VPS37C: variants seen among roughly 807,000 people sequenced by gnomAD.
VPS37C encodes the protein vacuolar protein sorting-associated protein 37C.
A neutral mutation model predicts 16.1 loss-of-function variants in VPS37C; 9 were observed. The observed-to-expected ratio is 0.56, with a 90% CI of 0.34 to 0.97. The LOEUF (loss-of-function observed/expected upper bound fraction) is 0.97. Among genes scored for constraint, VPS37C ranks in the 50% least tolerant of loss-of-function variants. The pLI is 0.02. For synonymous variants in VPS37C, 207 were observed against 206.4 expected, an observed-to-expected ratio of 1.00 and a Z score of -0.02; for missense variants, 479 against 472.7, an observed-to-expected ratio of 1.01 and a Z score of -0.12.
At chr11:61,142,165 G>A (rs1861483002) in intron 1 of VPS37C, among the ~76,000 whole-genome samples, 1 of 152,194 alleles carries the variant, frequency 6.6e-6, no homozygotes, top group Non-Finnish European at 1.5e-5. Context: ...ATGTTAAGGA[G>A]GACTCCAAAG....
At chr11:61,144,502 C>A (rs34348180) in intron 1 of VPS37C, 112,729 of 151,880 alleles carry the variant, frequency 0.74, 43,363 homozygotes, top group East Asian at 1. Context: ...GGTGAGCCCC[C>A]CCAGGACCCC....
intron 1 of VPS37C, among the ~76,000 whole-genome samples, chr11:61,141,332 C>A (rs1387551378): frequency 6.6e-6 from 1 of 151,020 alleles, no homozygotes; most frequent in Non-Finnish European, 1.5e-5. Flanking sequence ...CATGCCACTG[C>A]ACTCCAGCCT....
At chr11:61,138,570 C>T in intron 2 of VPS37C, 167 bp downstream of exon 2, 2 of 629,874 alleles carry the variant, frequency 3.2e-6, no homozygotes, top group Admixed American at 5.6e-5. Flanking sequence ...CTCCCAGGAA[C>T]TGGTCTGAAG....
intron 3 of VPS37C, 74 bp from the exon 4 acceptor site, chr11:61,133,411 C>G: frequency 6.9e-7 from 1 of 1,443,326 alleles, no homozygotes; most frequent in Non-Finnish European, 9.5e-7. Context: ...TTTGCATACC[C>G]TCTGTGTGCA....
intron 1 of VPS37C, among the ~76,000 whole-genome samples, chr11:61,160,607 G>C (rs75980524): frequency 0.051 from 7,782 of 152,254 alleles, 225 homozygotes; most frequent in Non-Finnish European, 0.072. Context: ...CCCAGACAAG[G>C]TGTAGCTGGG....
chr11:61,145,925 G>A (rs1240673852), intron 1 of VPS37C, among the ~76,000 whole-genome samples: 2 of 152,236 alleles, frequency 1.3e-5, no homozygotes, highest in Non-Finnish European at 2.9e-5. Context: ...ATGCCCGGGA[G>A]GATGCAGCAC....
chr11:61,132,746 G>T, intron 4 of VPS37C: 1 of 726,360 alleles, frequency 1.4e-6, no homozygotes. Context: ...TTGAAGGCGA[G>T]GACTGTCTCT....
At chr11:61,160,312 TAC>T in intron 1 of VPS37C, among the ~76,000 whole-genome samples, 1 of 152,312 alleles carries the variant, frequency 6.6e-6, no homozygotes, top group South Asian at 2.1e-4. Flanking sequence ...CACCCGGAAC[TAC>T]AGAGTTCAGG....
chr11:61,135,507 C>G (rs1026519833), intron 2 of VPS37C, among the ~76,000 whole-genome samples: 15 of 152,248 alleles, frequency 9.9e-5, no homozygotes, highest in Admixed American at 9.2e-4. Context: ...GACCATAGGT[C>G]ACTGCAGCCT....
intron 1 of VPS37C, among the ~76,000 whole-genome samples, chr11:61,159,639 T>C (rs2134662487): frequency 6.8e-6 from 1 of 147,772 alleles, no homozygotes; most frequent in Non-Finnish European, 1.5e-5. Flanking sequence ...TACTAAAAAA[T>C]ACAAAAATTG....
intron 1 of VPS37C, among the ~76,000 whole-genome samples, chr11:61,151,799 C>A (rs628831): frequency 0.54 from 81,879 of 151,968 alleles, 22,944 homozygotes; most frequent in East Asian, 0.99. Flanking sequence ...CAGCATTCAG[C>A]GTCAATCAAA....
chr11:61,131,903 G>A lies in VPS37C; in HGVS notation c.985C>T (p.Pro329Ser), dbSNP rs1861267691. The change falls in exon 5 of 5, where the codon CCC becomes TCC. Residue 329 changes from proline to serine, a missense_variant. Physicochemically the swap from Pro to Ser is moderately conservative, Grantham distance 74. Transcript: ENST00000301765. ...CCGGGGGGATAAGGGGGCTGCAGGG[G>A]CACTGAGGGCTGGGGCTGGCCTGGA... ...SFPGQPQPSV[P>S]LQPPYPPGPA... The A allele has an allele frequency of 1.6e-6, 2 of 1,287,964 alleles. No individual in the cohort carries two copies. The highest frequency in any genetic ancestry group is 2.0e-6 in the Non-Finnish European group (2 of 1,011,472). The allele number at this position is 1,287,964 out of a possible 1,614,324, so 79.8% of individuals were successfully genotyped here.
chr11:61,131,767 C>A lies in VPS37C; in HGVS notation c.*53G>T. 6 of 1,239,994 alleles carry A rather than the reference C, an allele frequency of 4.8e-6. No individual in the cohort carries two copies. The highest frequency in any genetic ancestry group is 5.0e-6 in the Non-Finnish European group (5 of 990,730). The allele number at this position is 1,239,994 out of a possible 1,614,324, so 76.8% of individuals were successfully genotyped here. On this transcript the variant is annotated 3_prime_UTR_variant, in exon 5 of 5. Transcript: ENST00000301765. ...CCCTCGAATCTCGGCGATGGCTGGG[C>A]CAAAGGTTGAGCGTGGGTGGGACTA... is the stretch of plus-strand genomic sequence containing the variant.
chr11:61,158,571 T>C (rs1853415217), intron 1 of VPS37C, among the ~76,000 whole-genome samples: 1 of 152,272 alleles, frequency 6.6e-6, no homozygotes, highest in South Asian at 2.1e-4. Context: ...AATCCTATAA[T>C]GCTGACTTTA....
chr11:61,138,863 G>C, intron 1 of VPS37C, 28 bp from the exon 2 acceptor site: 1 of 1,607,798 alleles, frequency 6.2e-7, no homozygotes, highest in Non-Finnish European at 8.5e-7. Context: ...CCAAAGTAAC[G>C]AACAGGCAGC....
At chr11:61,144,900 G>C (rs1853172055) in intron 1 of VPS37C, 1 of 152,244 alleles carries the variant, frequency 6.6e-6, no homozygotes, top group South Asian at 2.1e-4. Flanking sequence ...CTGCTGGCAT[G>C]TGCCAGACAA....
chr11:61,156,969 T>C (rs1270901535), intron 1 of VPS37C, among the ~76,000 whole-genome samples: 2 of 152,242 alleles, frequency 1.3e-5, no homozygotes, highest in Admixed American at 6.5e-5. Context: ...AGGAACCTCA[T>C]GTAAGAGGAA....
chr11:61,133,851 G>A (rs1861315618), intron 3 of VPS37C, among the ~76,000 whole-genome samples, 185 bp downstream of exon 3: 1 of 152,176 alleles, frequency 6.6e-6, no homozygotes, highest in Non-Finnish European at 1.5e-5. Flanking sequence ...GGTGACCTTA[G>A]TCAAGTTATT....
chr11:61,130,904 G>C lies in VPS37C; in HGVS notation c.*916C>G. ...GTGAGAAGGGGAGGGGAAGGGAGGG[G>C]GCTGCTTGTGAATGAGATTCAAGGC... On this transcript the variant is annotated 3_prime_UTR_variant, in exon 5 of 5. Coordinates refer to ENST00000301765, the MANE Select transcript of VPS37C (RefSeq NM_017966.5). The C allele has an allele frequency of 2.5e-6, 1 of 397,178 alleles. No individual in the cohort carries two copies. The highest frequency in any genetic ancestry group is 1.8e-5 in the South Asian group (1 of 55,500). 24.6% of individuals were successfully genotyped at this position (397,178 alleles called of 1,614,324 possible).
Sources: gnomAD v4.1 joint callset for allele counts (sites outside exome capture counted in the v4.1 genomes callset) on GRCh38, gnomAD v4.1.1 for gene constraint, MANE v1.5 for transcripts, NCBI Gene and HGNC (gene_info 2026-07-23, HGNC 2026-07-21) for gene names.